The following RBM28 variants were observed in gnomAD, a reference collection of about 807,000 sequenced individuals.
RBM28 encodes RNA binding motif protein 28, also known as RNA-binding protein 28.
RBM28 carries 78 observed loss-of-function variants against 98.3 expected under a neutral mutation model. That is an observed-to-expected ratio of 0.79 (90% CI 0.66 to 0.96). RBM28 has a LOEUF of 0.96. RBM28 is among the 40% of genes least tolerant of loss of function. The pLI, the probability that RBM28 is intolerant of heterozygous loss-of-function variation, is 0.00. For synonymous variants in RBM28, 306 were observed against 330.9 expected, an observed-to-expected ratio of 0.92 and a Z score of 0.82; for missense variants, 838 against 913.0, an observed-to-expected ratio of 0.92 and a Z score of 1.06.
intron 16 of RBM28, among the ~76,000 whole-genome samples, chr7:128,316,956 T>C (rs908324782): frequency 6.6e-6 from 1 of 152,146 alleles, no homozygotes; most frequent in East Asian, 1.9e-4. Context: ...CTGTGCAATA[T>C]CAATGAGAGC....
At chr7:128,328,433 G>GT (rs759309853) in intron 10 of RBM28, among the ~76,000 whole-genome samples, 7 of 152,116 alleles carry the variant, frequency 4.6e-5, no homozygotes, top group Non-Finnish European at 8.8e-5. Flanking sequence ...ATGCTGAGAG[G>GT]GATAAACTAC....
At chr7:128,332,024 T>C (rs1796491012) in intron 9 of RBM28, among the ~76,000 whole-genome samples, 1 of 152,250 alleles carries the variant, frequency 6.6e-6, no homozygotes, top group Admixed American at 6.5e-5. Flanking sequence ...TATTAAAAGG[T>C]GTATAAGGAA....
intron 14 of RBM28, among the ~76,000 whole-genome samples, chr7:128,319,088 G>C (rs1653578485): frequency 6.6e-6 from 1 of 152,174 alleles, no homozygotes; most frequent in African/African-American, 2.4e-5. Flanking sequence ...CGAGAAAACT[G>C]ATCATTTACA....
intron 13 of RBM28, among the ~76,000 whole-genome samples, chr7:128,321,980 G>A (rs1290272343): frequency 2.6e-5 from 4 of 151,930 alleles, no homozygotes; most frequent in Admixed American, 6.6e-5. Flanking sequence ...CCTGGGAGCC[G>A]GAGGTTGTGG....
chr7:128,306,832 C>G lies in RBM28; in HGVS notation c.*3965G>C, dbSNP rs1352491427. On this transcript the variant is annotated 3_prime_UTR_variant, in exon 19 of 19. Transcript: ENST00000223073. ...CAAAAACTCATGTACAGCCAATGACCAGTTCAGAATAGATGCCAAAGTAAT... is the reference window on the plus strand; with the variant it reads ...CAAAAACTCATGTACAGCCAATGACGAGTTCAGAATAGATGCCAAAGTAAT... 1 of 152,320 alleles carries G rather than the reference C, an allele frequency of 6.6e-6. No homozygotes were observed. Among genetic ancestry groups the G allele is most frequent in the East Asian group, 1.9e-4 (1 of 5,196 alleles). The allele number at this position is 152,320 out of a possible 1,614,324, so 9.4% of individuals were successfully genotyped here. A position where few individuals can be genotyped will look rare whatever the true frequency, so the allele number is the denominator to read the frequency against.
At chr7:128,342,442 C>T (rs1796745781) in intron 1 of RBM28, among the ~76,000 whole-genome samples, 1 of 152,096 alleles carries the variant, frequency 6.6e-6, no homozygotes, top group Non-Finnish European at 1.5e-5. Context: ...CTATAACATC[C>T]TACATGAGGC....
At chr7:128,339,900 T>C in intron 1 of RBM28, 109 bp from the exon 2 acceptor site, 12 of 1,280,106 alleles carry the variant, frequency 9.4e-6, no homozygotes, top group Non-Finnish European at 1.3e-5. Flanking sequence ...CTAGAGGATA[T>C]ACTGCCAACC....
chr7:128,339,700 A>G lies in RBM28; in HGVS notation c.210T>C (p.Gly70=), dbSNP rs1216470750. 1.9e-6 allele frequency: 3 copies of G among 1,613,866 alleles called. No homozygotes were observed. Among genetic ancestry groups the G allele is most frequent in the Admixed American group, 3.3e-5 (2 of 59,992 alleles). Residue 70 remains glycine, a synonymous_variant, in exon 2 of 19, where the codon GGT becomes GGC. Coordinates refer to ENST00000223073, the MANE Select transcript of RBM28 (RefSeq NM_018077.3). ...RALKEITTFE[G]CKINVTVAKK... is the part of the protein sequence containing the mutation. The stretch of plus-strand genomic sequence containing the variant: ...TGGCAACAGTCACGTTGATCTTGCA[A>G]CCTTCAAAGGTGGTAATCTCCTTGA...
rs1338775978 is a variant in RBM28, at chr7:128,303,882, T to C, written c.*6915A>G. On this transcript the variant is annotated 3_prime_UTR_variant, in exon 19 of 19. Transcript: ENST00000223073. ...AGCTACCCATGAAAGGCCAAGGGCC[T>C]ACAGCAAAGCTCCCATGACTGGAAA... The C allele has an allele frequency of 1.3e-5, 2 of 152,136 alleles. No homozygotes were observed. The highest frequency in any genetic ancestry group is 2.9e-5 in the Non-Finnish European group (2 of 68,038). The allele number at this position is 152,136 out of a possible 1,614,324, so 9.4% of individuals were successfully genotyped here. A position where few individuals can be genotyped will look rare whatever the true frequency, so the allele number is the denominator to read the frequency against.
chr7:128,311,438 T>C (rs1242866871), intron 18 of RBM28, among the ~76,000 whole-genome samples: 3 of 152,148 alleles, frequency 2.0e-5, no homozygotes, highest in Non-Finnish European at 2.9e-5. Context: ...TGACTTCAAG[T>C]GTTCAAGAAT....
At chr7:128,317,924 A>G in intron 15 of RBM28, 33 bp downstream of exon 15, 1 of 1,612,630 alleles carries the variant, frequency 6.2e-7, no homozygotes, top group Non-Finnish European at 8.5e-7. Context: ...AGTGGTCCTA[A>G]GGGAACAAGT....
Position 128,317,686 on chromosome 7 carries a change from CATTTT to C in RBM28, c.1756_1760del (p.Lys586GlufsTer20). On this transcript the variant is annotated frameshift_variant, in exon 16 of 19. Transcript: ENST00000223073. LOFTEE classifies it high-confidence loss of function. ...AGCTGCGCTGGATCCTTAATTCCTT[CATTTT>C]AAGTTTTCTTCGATCTTCTAAAGAG... 1 of 1,608,830 alleles carries C rather than the reference CATTTT, an allele frequency of 6.2e-7. No homozygotes were observed. The highest frequency in any genetic ancestry group is 8.5e-7 in the Non-Finnish European group (1 of 1,175,202).
Position 128,314,977 on chromosome 7 carries a change from C to T in RBM28, c.1832G>A (p.Gly611Glu), listed in dbSNP as rs1198980053. 3 of 1,614,036 alleles carry T rather than the reference C, an allele frequency of 1.9e-6. No individual in the cohort carries two copies. The Admixed American group carries it at 5.0e-5, about 27-fold the overall frequency. ...SKPATGEPQK[G>E]QPEPAKDQQQ... Reference sequence around the variant, plus strand: ...CTGGTCTTTTGCAGGCTCTGGTTGCCCCTTCTGAGGCTCACCAGTTGCAGG... The same window carrying T: ...CTGGTCTTTTGCAGGCTCTGGTTGCTCCTTCTGAGGCTCACCAGTTGCAGG... The change falls in exon 17 of 19, where the codon GGG (glycine) becomes GAG (glutamate). Residue 611 changes from glycine to glutamate, a missense_variant. Physicochemically the swap from Gly to Glu is moderately conservative, Grantham distance 98. Transcript: ENST00000223073.
intron 10 of RBM28, among the ~76,000 whole-genome samples, chr7:128,330,194 T>C (rs1335176197): frequency 6.6e-6 from 1 of 151,888 alleles, no homozygotes; most frequent in Non-Finnish European, 1.5e-5. Flanking sequence ...TTTCAAGCAA[T>C]GTGGAATGAT....
At chr7:128,336,495 A>T (rs1047981332) in intron 6 of RBM28, among the ~76,000 whole-genome samples, 1 of 152,048 alleles carries the variant, frequency 6.6e-6, no homozygotes, top group Admixed American at 6.6e-5. Context: ...ATGTTCCATC[A>T]CTCCTATTAT....
In RBM28 at chr7:128,323,621, T is replaced by C. The variant is rs1796284212; in HGVS notation, c.1340-30A>G. 1.9e-6 allele frequency: 3 copies of C among 1,613,060 alleles called. No individual in the cohort carries two copies. The South Asian group carries it at 3.3e-5, about 18-fold the overall frequency. On this transcript the variant is annotated intron_variant, in intron 12 of 18. Coordinates refer to ENST00000223073, the MANE Select transcript of RBM28 (RefSeq NM_018077.3). ...AGAAAGAGGGAAAAAGGCCAAGACA[T>C]CAACAAGGGAATTTTCACTGAGCAA...
intron 8 of RBM28, among the ~76,000 whole-genome samples, chr7:128,334,149 G>A (rs1796545727): frequency 6.6e-6 from 1 of 152,144 alleles, no homozygotes; most frequent in African/African-American, 2.4e-5. Flanking sequence ...TGAGGATCTG[G>A]GTATAAGGGA....
Position 128,302,857 on chromosome 7 carries a change from CA to C in RBM28, c.*7939del, listed in dbSNP as rs1795800353. The C allele has an allele frequency of 6.6e-6, 1 of 152,250 alleles. No homozygotes were observed. 9.4% of individuals were successfully genotyped at this position (152,250 alleles called of 1,614,324 possible). On this transcript the variant is annotated 3_prime_UTR_variant, in exon 19 of 19. Coordinates refer to ENST00000223073, the MANE Select transcript of RBM28 (RefSeq NM_018077.3). ...GTACAACCATAGCTCACTGCAGCCTCAAACTCCTGGGCTCAAGCAATCCTCC... is the reference window on the plus strand; with the variant it reads ...GTACAACCATAGCTCACTGCAGCCTCAACTCCTGGGCTCAAGCAATCCTCC...
rs1378929339 is a variant in RBM28 at position 128,298,808 on chromosome 7, G to GA, written c.*11988dup. The GA allele has an allele frequency of 1.3e-5, 2 of 152,210 alleles. No homozygotes were observed. The highest frequency in any genetic ancestry group is 4.8e-5 in the African/African-American group (2 of 41,392). 9.4% of individuals were successfully genotyped at this position (152,210 alleles called of 1,614,324 possible). A position where few individuals can be genotyped will look rare whatever the true frequency, so the allele number is the denominator to read the frequency against. ...GTGGATCACTTGAGCTCAGGAGTTT[G>GA]AGACCAGCCTGGGCAACATAGCGAA... On this transcript the variant is annotated 3_prime_UTR_variant, in exon 19 of 19. Coordinates refer to ENST00000223073, the MANE Select transcript of RBM28 (RefSeq NM_018077.3).
Sources: gnomAD v4.1 joint callset for allele counts (sites outside exome capture counted in the v4.1 genomes callset) on GRCh38, gnomAD v4.1.1 for gene constraint, MANE v1.5 for transcripts, NCBI Gene and HGNC (gene_info 2026-07-23, HGNC 2026-07-21) for gene names.